The following ARHGAP28 variants were observed in gnomAD, a reference collection of about 807,000 sequenced individuals.
ARHGAP28 encodes the protein Rho GTPase activating protein 28.
Under a neutral mutation model 90.7 loss-of-function variants are expected in ARHGAP28, and 56 were observed. The ratio of observed to expected loss-of-function variants is 0.62; its 90% CI spans 0.50 to 0.77. The LOEUF (loss-of-function observed/expected upper bound fraction) is 0.77, where lower values mean the gene tolerates loss of function less well. ARHGAP28 is among the 30% of genes least tolerant of loss of function. The pLI is 0.00. For missense variants in ARHGAP28, 869 were observed against 900.9 expected, an observed-to-expected ratio of 0.96 and a Z score of 0.45; for synonymous variants, 308 against 323.3, an observed-to-expected ratio of 0.95 and a Z score of 0.51.
chr18:6,831,014 T>C (rs1018517899), intron 2 of ARHGAP28, among the ~76,000 whole-genome samples: 2 of 152,204 alleles, frequency 1.3e-5, no homozygotes, highest in Non-Finnish European at 2.9e-5. Flanking sequence ...CTGCCAGCAT[T>C]TTTCCAAGTA....
chr18:6,827,226 G>T, intron 2 of ARHGAP28, among the ~76,000 whole-genome samples: 1 of 152,100 alleles, frequency 6.6e-6, no homozygotes, highest in East Asian at 1.9e-4. Context: ...CAGGGTGGTG[G>T]CCGGGCAGAG....
At chr18:6,743,635 T>C (rs1447623630) in intron 1 of ARHGAP28, among the ~76,000 whole-genome samples, 1 of 152,152 alleles carries the variant, frequency 6.6e-6, no homozygotes, top group East Asian at 1.9e-4. Flanking sequence ...TGGCAACAAT[T>C]GTAAATAATC....
intron 1 of ARHGAP28, among the ~76,000 whole-genome samples, chr18:6,798,437 G>A (rs1176736698): frequency 1.3e-5 from 2 of 152,128 alleles, no homozygotes; most frequent in African/African-American, 4.8e-5. Flanking sequence ...CAGGTGATCT[G>A]CCCGCCTCGG....
intron 1 of ARHGAP28, among the ~76,000 whole-genome samples, chr18:6,799,585 A>G (rs1429760166): frequency 6.6e-6 from 1 of 152,234 alleles, no homozygotes; most frequent in Admixed American, 6.5e-5. Flanking sequence ...CCGCATATCT[A>G]CAACCATCTG....
chr18:6,749,958 A>G (rs2056055687), intron 1 of ARHGAP28, among the ~76,000 whole-genome samples: 2 of 152,142 alleles, frequency 1.3e-5, no homozygotes, highest in Non-Finnish European at 2.9e-5. Context: ...AAAAAGGGGT[A>G]TCTTCAAAAT....
At chr18:6,782,782 A>G (rs1238178569) in intron 1 of ARHGAP28, among the ~76,000 whole-genome samples, 1 of 151,194 alleles carries the variant, frequency 6.6e-6, no homozygotes, top group Non-Finnish European at 1.5e-5. Flanking sequence ...TTTTATATAC[A>G]ATTATATAAT....
Position 6,876,198 on chromosome 18 carries a change from C to G in ARHGAP28, c.1280C>G (p.Ala427Gly). 1 of 1,613,730 alleles carries G rather than the reference C, an allele frequency of 6.2e-7. No homozygotes were observed. Among genetic ancestry groups the G allele is most frequent in the South Asian group, 1.1e-5 (1 of 91,068 alleles). Residue 427 changes from alanine to glycine, a missense_variant, in exon 10 of 18, where the codon GCT becomes GGT. Transcript: ENST00000383472. The part of the protein sequence containing the change: ...EGIFRLSGCT[A>G]KVKQYREELD... ...ATTTTTCGACTTTCAGGATGTACTG[C>G]TAAAGTCAAGGTACCGAACATTTTG...
At chr18:6,838,381 A>G (rs1311126387) in intron 3 of ARHGAP28, among the ~76,000 whole-genome samples, 1 of 152,194 alleles carries the variant, frequency 6.6e-6, no homozygotes, top group Non-Finnish European at 1.5e-5. Flanking sequence ...ACAGTCTCCA[A>G]TTTGAATTAC....
At chr18:6,900,220 T>G (rs1201159204) in intron 16 of ARHGAP28, among the ~76,000 whole-genome samples, 1 of 151,708 alleles carries the variant, frequency 6.6e-6, no homozygotes, top group Non-Finnish European at 1.5e-5. Flanking sequence ...GAAAATTAAA[T>G]AAGCCCCAGA....
At chr18:6,765,702 TTAGA>T (rs2056194857) in intron 1 of ARHGAP28, among the ~76,000 whole-genome samples, 1 of 152,202 alleles carries the variant, frequency 6.6e-6, no homozygotes, top group South Asian at 2.1e-4. Flanking sequence ...AGATGGAAGC[TTAGA>T]TAATTGATTT....
In ARHGAP28 at chr18:6,912,609, C is replaced by T. The variant is rs2057405090; in HGVS notation, c.*455C>T. Reference sequence around the variant, plus strand: ...TGCCAGAAATAGCCTTCATTTCTACCCTGCAAAATAATCCAGATCTGCTTT... The same window carrying T: ...TGCCAGAAATAGCCTTCATTTCTACTCTGCAAAATAATCCAGATCTGCTTT... On this transcript the variant is annotated 3_prime_UTR_variant, in exon 18 of 18. Coordinates refer to ENST00000383472, the MANE Select transcript of ARHGAP28 (RefSeq NM_001366230.1). 6.6e-6 allele frequency: 1 copy of T among 152,174 alleles called. No homozygotes were observed. Among genetic ancestry groups the T allele is most frequent in the African/African-American group, 2.4e-5 (1 of 41,412 alleles). The allele number at this position is 152,174 out of a possible 1,614,324, so 9.4% of individuals were successfully genotyped here.
chr18:6,912,346 C>T lies in ARHGAP28; in HGVS notation c.*192C>T, dbSNP rs2057404014. 2.7e-6 allele frequency: 1 copy of T among 371,918 alleles called. No homozygotes were observed. The allele number at this position is 371,918 out of a possible 1,614,324, so 23.0% of individuals were successfully genotyped here. On this transcript the variant is annotated 3_prime_UTR_variant, in exon 18 of 18. Transcript: ENST00000383472. ...TTCACCAATTCAACTGAAGCTTTCT[C>T]ATGACTTTTTTTTTTATAAAAGTAA...
chr18:6,826,269 T>C (rs2056662333), intron 2 of ARHGAP28, among the ~76,000 whole-genome samples: 1 of 152,150 alleles, frequency 6.6e-6, no homozygotes, highest in Non-Finnish European at 1.5e-5. Flanking sequence ...TCTGTTTGTA[T>C]GTCTTCTTTT....
intron 1 of ARHGAP28, among the ~76,000 whole-genome samples, chr18:6,741,569 T>C (rs1214248459): frequency 1.3e-5 from 2 of 152,098 alleles, no homozygotes; most frequent in Admixed American, 6.6e-5. Context: ...ATTATACCAA[T>C]CCTAAACAAA....
intron 2 of ARHGAP28, among the ~76,000 whole-genome samples, chr18:6,832,234 ATGT>A (rs1025364457): frequency 1.3e-5 from 2 of 151,502 alleles, no homozygotes; most frequent in African/African-American, 4.8e-5. Flanking sequence ...TTTTCTAGAC[ATGT>A]TGTTATTGAT....
chr18:6,748,143 T>C (rs1346646265), intron 1 of ARHGAP28, among the ~76,000 whole-genome samples: 8 of 152,214 alleles, frequency 5.3e-5, no homozygotes, highest in Non-Finnish European at 1.5e-5. Flanking sequence ...TTAGAGATTT[T>C]CTGCCTTCCT....
In ARHGAP28 at chr18:6,744,192, T is replaced by G. The variant is rs561923459; in HGVS notation, c.122+14249T>G. On this transcript the variant is annotated intron_variant, in intron 1 of 17. Coordinates refer to ENST00000383472, the MANE Select transcript of ARHGAP28 (RefSeq NM_001366230.1). ...GAGCATGAGTTAGTAGGGGGGATTT[T>G]AAGAGTTGGAAGAGTGTTTTTGGCC... 1.2e-4 allele frequency among the ~76,000 whole-genome samples: 19 copies of G among 152,280 alleles called. No homozygotes were observed. The East Asian group carries it at 2.9e-3, about 23-fold the overall frequency.
chr18:6,892,724 T>A (rs368726947), intron 14 of ARHGAP28, among the ~76,000 whole-genome samples: 4 of 152,240 alleles, frequency 2.6e-5, no homozygotes, highest in East Asian at 1.9e-4. Flanking sequence ...CTGTATTCTT[T>A]GTTTTGTGTG....
chr18:6,734,211 T>A lies in ARHGAP28; in HGVS notation c.122+4268T>A, dbSNP rs115611512. ...CTAAGCTTCTATTCAGAATCCAGAG[T>A]GAGACTATTGACAAACATACAAAAT... On this transcript the variant is annotated intron_variant, in intron 1 of 17. Transcript: ENST00000383472. Among the ~76,000 whole-genome samples the A allele has an allele frequency of 6.0e-3, 908 of 152,278 alleles. 10 individuals are homozygous for A. The highest frequency in any genetic ancestry group is 0.021 in the African/African-American group (872 of 41,556).
Sources: allele counts gnomAD v4.1 joint callset (sites outside exome capture counted in the v4.1 genomes callset), GRCh38; gene constraint gnomAD v4.1.1; transcripts MANE v1.5; gene names NCBI Gene and HGNC (gene_info 2026-07-23, HGNC 2026-07-21).